Variants in EIF2AK3 observed in about 807,000 individuals in gnomAD.
EIF2AK3 encodes the protein eukaryotic translation initiation factor 2-alpha kinase 3.
A neutral mutation model predicts 113.5 loss-of-function variants in EIF2AK3; 50 were observed. The observed-to-expected ratio is 0.44, with a 90% CI of 0.35 to 0.56. The LOEUF (loss-of-function observed/expected upper bound fraction) is 0.56, where lower values mean the gene tolerates loss of function less well. Ranked by LOEUF, EIF2AK3 falls within the 20% of genes least tolerant of loss-of-function variation. The pLI, the probability that EIF2AK3 is intolerant of heterozygous loss-of-function variation, is 0.00. For missense variants in EIF2AK3, 1,185 were observed against 1,378.0 expected (o/e 0.86, Z 2.22); for synonymous variants, 448 against 495.4 (o/e 0.90, Z 1.27).
intron 2 of EIF2AK3, among the ~76,000 whole-genome samples, chr2:88,609,996 C>T (rs1675391752): frequency 6.7e-6 from 1 of 149,184 alleles, no homozygotes; most frequent in Admixed American, 6.7e-5. Context: ...GTGGCAAGCG[C>T]CTATAGTCTT....
At chr2:88,591,112 T>C in intron 4 of EIF2AK3, 60 bp from the exon 5 acceptor site, 2 of 1,440,808 alleles carry the variant, frequency 1.4e-6, no homozygotes, top group East Asian at 4.6e-5. Context: ...CAAAATAATA[T>C]AGAACTCTTC....
chr2:88,613,620 C>A (rs777148054), intron 2 of EIF2AK3, 104 bp downstream of exon 2: 312 of 1,249,152 alleles, frequency 2.5e-4, no homozygotes, highest in Non-Finnish European at 3.4e-4. Context: ...CTGTAAGAGG[C>A]AGACAGGCCT....
chr2:88,581,418 C>CA (rs1027878945), intron 10 of EIF2AK3, among the ~76,000 whole-genome samples: 11 of 152,112 alleles, frequency 7.2e-5, no homozygotes, highest in African/African-American at 2.4e-4. Context: ...AAATTCAGTT[C>CA]AAATATGACT....
upstream of EIF2AK3, chr2:88,627,561 G>A (rs1675905200): frequency 2.8e-6 from 1 of 359,856 alleles, no homozygotes; most frequent in Non-Finnish European, 5.0e-6. Flanking sequence ...GCCTTGTTGG[G>A]GAAGGTGGAC....
At chr2:88,589,774 C>G (rs2104436554) in intron 6 of EIF2AK3, among the ~76,000 whole-genome samples, 1 of 151,940 alleles carries the variant, frequency 6.6e-6, no homozygotes, top group South Asian at 2.1e-4. Context: ...GGCTCTAACT[C>G]CTGGGGTCAA....
intron 2 of EIF2AK3, among the ~76,000 whole-genome samples, chr2:88,611,853 G>A (rs1215077418): frequency 6.6e-6 from 1 of 152,158 alleles, no homozygotes; most frequent in African/African-American, 2.4e-5. Flanking sequence ...TCAAACTCCT[G>A]ACCTTGTGAT....
rs1167290580 is a variant in EIF2AK3 at position 88,557,548 on chromosome 2, C to G, written c.*188G>C. 1.5e-6 allele frequency: 1 copy of G among 647,490 alleles called. No individual in the cohort carries two copies. Among genetic ancestry groups the G allele is most frequent in the African/African-American group, 1.8e-5 (1 of 55,010 alleles). 40.1% of individuals were successfully genotyped at this position (647,490 alleles called of 1,614,324 possible). The stretch of plus-strand genomic sequence containing the variant: ...AAGATAGCCCTTTCCTTAAGTATAG[C>G]AAAACTCAGGAGTTGGCTCAAATTA... On this transcript the variant is annotated 3_prime_UTR_variant, in exon 17 of 17. Coordinates refer to ENST00000303236, the MANE Select transcript of EIF2AK3 (RefSeq NM_004836.7).
intron 12 of EIF2AK3, among the ~76,000 whole-genome samples, chr2:88,576,042 T>G (rs1378519336): frequency 6.6e-6 from 1 of 152,208 alleles, no homozygotes; most frequent in African/African-American, 2.4e-5. Context: ...TCAGGCTAAG[T>G]TTATGTATTT....
chr2:88,598,697 T>C (rs778063392), intron 2 of EIF2AK3, among the ~76,000 whole-genome samples: 9 of 152,188 alleles, frequency 5.9e-5, no homozygotes, highest in Non-Finnish European at 1.0e-4. Flanking sequence ...GATGCTGTAC[T>C]AGGCATAGAG....
At chr2:88,617,696 G>C (rs1227311974) in intron 1 of EIF2AK3, among the ~76,000 whole-genome samples, 2 of 151,134 alleles carry the variant, frequency 1.3e-5, no homozygotes, top group African/African-American at 2.4e-5. Context: ...GGCAGAGGTT[G>C]CAGTGAGCCA....
At chr2:88,621,505 C>A (rs547991467) in intron 1 of EIF2AK3, among the ~76,000 whole-genome samples, 180 of 152,310 alleles carry the variant, frequency 1.2e-3, no homozygotes, top group Middle Eastern at 3.4e-3. Context: ...CGTTATTTCA[C>A]AAAACTATAA....
intron 14 of EIF2AK3, among the ~76,000 whole-genome samples, chr2:88,564,401 G>C (rs1415320279): frequency 6.6e-6 from 1 of 152,156 alleles, no homozygotes; most frequent in Non-Finnish European, 1.5e-5. Flanking sequence ...AGATAATTAA[G>C]ACTGTCCATT....
chr2:88,618,040 G>A (rs1300517234), intron 1 of EIF2AK3, among the ~76,000 whole-genome samples: 3 of 152,058 alleles, frequency 2.0e-5, no homozygotes, highest in East Asian at 1.9e-4. Flanking sequence ...AAAATTAGCC[G>A]GGTATGGTGG....
chr2:88,580,511 TG>T (rs1480478475), intron 10 of EIF2AK3, among the ~76,000 whole-genome samples: 1 of 152,198 alleles, frequency 6.6e-6, no homozygotes, highest in African/African-American at 2.4e-5. Context: ...TGCAATTATG[TG>T]TAAGCAGCTC....
chr2:88,576,735 TATTC>T lies in EIF2AK3; in HGVS notation c.1887-36_1887-33del, dbSNP rs777442179. 8.7e-6 allele frequency: 14 copies of T among 1,609,978 alleles called. No individual in the cohort carries two copies. The African/African-American group carries it at 1.1e-4, about 12-fold the overall frequency. ...GAGAGAAAATATTTAAGGTGATGGATATTCCAATTACACTGATTTGATCTTTACA... is the reference window on the plus strand; with the variant it reads ...GAGAGAAAATATTTAAGGTGATGGATCAATTACACTGATTTGATCTTTACA... On this transcript the variant is annotated intron_variant, in intron 11 of 16. Transcript: ENST00000303236.
intron 11 of EIF2AK3, among the ~76,000 whole-genome samples, chr2:88,578,250 TC>T (rs1674511528): frequency 6.6e-6 from 1 of 152,074 alleles, no homozygotes; most frequent in Admixed American, 6.5e-5. Flanking sequence ...GTGCATTTAA[TC>T]AAGAATCAAC....
intron 8 of EIF2AK3, 59 bp from the exon 9 acceptor site, chr2:88,586,120 T>A: frequency 1.5e-6 from 2 of 1,340,552 alleles, no homozygotes; most frequent in Non-Finnish European, 2.1e-6. Flanking sequence ...GGCCCGTCTT[T>A]AACTATTAAA....
intron 2 of EIF2AK3, 119 bp from the exon 3 acceptor site, chr2:88,595,782 A>C (rs1267643290): frequency 1.9e-6 from 2 of 1,033,870 alleles, no homozygotes; most frequent in East Asian, 2.6e-5. Flanking sequence ...TAAGAGCTGG[A>C]GTCTTGATCC....
At chr2:88,606,854 G>C (rs534354588) in intron 2 of EIF2AK3, among the ~76,000 whole-genome samples, 3 of 152,252 alleles carry the variant, frequency 2.0e-5, no homozygotes, top group South Asian at 4.1e-4. Flanking sequence ...GCACCTGTCT[G>C]AAACAGAAAG....
Sources: gnomAD v4.1 joint callset for allele counts (sites outside exome capture counted in the v4.1 genomes callset) on GRCh38, gnomAD v4.1.1 for gene constraint, MANE v1.5 for transcripts, NCBI Gene and HGNC (gene_info 2026-07-23, HGNC 2026-07-21) for gene names.